FUT9: variants seen among roughly 807,000 people sequenced by gnomAD.
FUT9 encodes fucosyltransferase 9, also known as 4-galactosyl-N-acetylglucosaminide 3-alpha-L-fucosyltransferase 9.
Under a neutral mutation model 29.7 loss-of-function variants are expected in FUT9, and 15 were observed. That is an observed-to-expected ratio of 0.51 (90% CI 0.34 to 0.78). The LOEUF is 0.78. Ranked by LOEUF, FUT9 falls within the 30% of genes least tolerant of loss-of-function variation. The pLI is 0.01. For synonymous variants in FUT9, 169 were observed against 153.7 expected, an observed-to-expected ratio of 1.10 and a Z score of -0.74; for missense variants, 319 against 425.4, an observed-to-expected ratio of 0.75 and a Z score of 2.20.
At chr6:96,171,847 C>T (rs558907761) in intron 2 of FUT9, among the ~76,000 whole-genome samples, 13 of 152,254 alleles carry the variant, frequency 8.5e-5, no homozygotes, top group African/African-American at 2.9e-4. Context: ...TCCTGAAACA[C>T]CATCCTACCC....
At chr6:96,177,703 A>G (rs1773229135) in intron 2 of FUT9, among the ~76,000 whole-genome samples, 1 of 152,162 alleles carries the variant, frequency 6.6e-6, no homozygotes, top group Non-Finnish European at 1.5e-5. Context: ...GCTATCTTTC[A>G]TCCAGCCCCT....
At chr6:96,074,173 CCA>C (rs1425981436) in intron 1 of FUT9, among the ~76,000 whole-genome samples, 1 of 152,134 alleles carries the variant, frequency 6.6e-6, no homozygotes, top group African/African-American at 2.4e-5. Context: ...CAAACAATAT[CCA>C]CAGTGTCCCC....
At chr6:96,061,554 C>T (rs960444420) in intron 1 of FUT9, among the ~76,000 whole-genome samples, 1 of 151,600 alleles carries the variant, frequency 6.6e-6, no homozygotes, top group Non-Finnish European at 1.5e-5. Context: ...TTCTTAAAAC[C>T]TTACAGTAGA....
intron 1 of FUT9, among the ~76,000 whole-genome samples, chr6:96,046,546 G>A (rs1770566756): frequency 1.3e-5 from 2 of 150,962 alleles, no homozygotes; most frequent in Non-Finnish European, 3.0e-5. Context: ...CTTCAAAGAA[G>A]CTTGGACTTA....
intron 1 of FUT9, among the ~76,000 whole-genome samples, chr6:96,079,778 A>G (rs1303239269): frequency 6.6e-6 from 1 of 152,170 alleles, no homozygotes; most frequent in Non-Finnish European, 1.5e-5. Context: ...TGTGAAAAAA[A>G]TAAGAACTCT....
In FUT9 at chr6:96,204,536, G is replaced by C. The variant is rs1438725634; in HGVS notation, c.*301G>C. On this transcript the variant is annotated 3_prime_UTR_variant, in exon 3 of 3. Transcript: ENST00000302103. ...TAGTTGTCCATAATGTAAGCTTGTG[G>C]TTTGATTATTGTTTCCACACTGATC... is the stretch of plus-strand genomic sequence containing the variant. The C allele has an allele frequency of 5.2e-6, 1 of 192,486 alleles. No individual in the cohort carries two copies. The highest frequency in any genetic ancestry group is 1.2e-5 in the Non-Finnish European group (1 of 85,468). The allele number at this position is 192,486 out of a possible 1,614,324, so 11.9% of individuals were successfully genotyped here. A position where few individuals can be genotyped will look rare whatever the true frequency, so the allele number is the denominator to read the frequency against.
intron 2 of FUT9, among the ~76,000 whole-genome samples, chr6:96,143,945 T>C (rs1772515946): frequency 6.6e-6 from 1 of 152,192 alleles, no homozygotes; most frequent in South Asian, 2.1e-4. Context: ...GTAATGCTGG[T>C]TGTGTACTTA....
chr6:96,039,520 GTTTT>G (rs992363195), intron 1 of FUT9, among the ~76,000 whole-genome samples: 5 of 152,062 alleles, frequency 3.3e-5, no homozygotes, highest in African/African-American at 1.2e-4. Flanking sequence ...AACTTGGCAA[GTTTT>G]TTCCCACTTC....
chr6:96,198,297 G>A (rs1029676692), intron 2 of FUT9, among the ~76,000 whole-genome samples: 1 of 146,772 alleles, frequency 6.8e-6, no homozygotes, highest in African/African-American at 2.5e-5. Context: ...TCCCCAGAGT[G>A]TGATGTTCCC....
rs533821857 is a variant in FUT9 at position 96,207,400 on chromosome 6, T to C, written c.*3165T>C. ...GTCTTATTGGTATTTTTAGGGCCTA[T>C]AGAATGGTACACCTCATGTAGAAGA... On this transcript the variant is annotated 3_prime_UTR_variant, in exon 3 of 3. Coordinates refer to ENST00000302103, the MANE Select transcript of FUT9 (RefSeq NM_006581.4). 1 of 167,178 alleles carries C rather than the reference T, an allele frequency of 6.0e-6. No individual in the cohort carries two copies. Among genetic ancestry groups the C allele is most frequent in the East Asian group, 1.9e-4 (1 of 5,190 alleles). 10.4% of individuals were successfully genotyped at this position (167,178 alleles called of 1,614,324 possible).
At chr6:96,152,601 A>G (rs1772697672) in intron 2 of FUT9, among the ~76,000 whole-genome samples, 2 of 152,158 alleles carry the variant, frequency 1.3e-5, no homozygotes, top group African/African-American at 2.4e-5. Context: ...TGTCCTTTTA[A>G]CACAATCTGC....
intron 1 of FUT9, among the ~76,000 whole-genome samples, chr6:96,065,158 A>G (rs1309088856): frequency 1.3e-5 from 2 of 152,144 alleles, no homozygotes; most frequent in African/African-American, 2.4e-5. Flanking sequence ...CTTCCTGTCT[A>G]GGTAGACTTG....
intron 2 of FUT9, among the ~76,000 whole-genome samples, chr6:96,117,544 C>T (rs1053009745): frequency 2.0e-5 from 3 of 152,168 alleles, no homozygotes; most frequent in African/African-American, 7.2e-5. Flanking sequence ...GTATATACAT[C>T]ATAATGCTTC....
At chr6:96,092,324 T>C (rs1207268567) in intron 1 of FUT9, among the ~76,000 whole-genome samples, 1 of 152,134 alleles carries the variant, frequency 6.6e-6, no homozygotes. Flanking sequence ...TATGATACAC[T>C]TGTGTGAAAT....
intron 1 of FUT9, among the ~76,000 whole-genome samples, chr6:96,041,072 C>G (rs1242983518): frequency 6.6e-6 from 1 of 151,646 alleles, no homozygotes; most frequent in African/African-American, 2.4e-5. Context: ...GGGCCAGTGT[C>G]CCTCCCGGTT....
At chr6:96,048,162 G>T (rs144178658) in intron 1 of FUT9, among the ~76,000 whole-genome samples, 217 of 152,232 alleles carry the variant, frequency 1.4e-3, no homozygotes, top group African/African-American at 5.0e-3. Flanking sequence ...TATTTTTAGA[G>T]ACCCATGTGA....
At chr6:96,149,928 A>C (rs924656604) in intron 2 of FUT9, among the ~76,000 whole-genome samples, 4 of 152,288 alleles carry the variant, frequency 2.6e-5, no homozygotes, top group Admixed American at 6.5e-5. Context: ...TTGTGCCACC[A>C]AACACTAGAT....
intron 1 of FUT9, among the ~76,000 whole-genome samples, chr6:96,093,071 A>G (rs1771438809): frequency 6.6e-6 from 1 of 152,042 alleles, no homozygotes; most frequent in South Asian, 2.1e-4. Context: ...CCCAGCCTCT[A>G]TTCCTTCCTT....
At chr6:96,107,663 G>A (rs531738057) in intron 1 of FUT9, among the ~76,000 whole-genome samples, 1 of 152,216 alleles carries the variant, frequency 6.6e-6, no homozygotes, top group South Asian at 2.1e-4. Context: ...TGTATTCCAA[G>A]CATAAGTGTA....
Sources: gnomAD v4.1 joint callset for allele counts (sites outside exome capture counted in the v4.1 genomes callset) on GRCh38, gnomAD v4.1.1 for gene constraint, MANE v1.5 for transcripts, NCBI Gene and HGNC (gene_info 2026-07-23, HGNC 2026-07-21) for gene names.